Variants in PI4K2A observed in about 807,000 individuals in gnomAD.
The protein encoded by PI4K2A is phosphatidylinositol 4-kinase type 2-alpha.
Under a neutral mutation model 55.0 loss-of-function variants are expected in PI4K2A, and 20 were observed. The ratio of observed to expected loss-of-function variants is 0.36; its 90% CI spans 0.26 to 0.53. PI4K2A has a LOEUF of 0.53. Among genes scored for constraint, PI4K2A ranks in the 20% least tolerant of loss-of-function variants. The pLI, the probability that PI4K2A is intolerant of heterozygous loss-of-function variation, is 0.91. For missense variants in PI4K2A, 463 were observed against 637.1 expected (o/e 0.73, Z 2.94); for synonymous variants, 235 against 258.5 (o/e 0.91, Z 0.87).
intron 5 of PI4K2A, among the ~76,000 whole-genome samples, chr10:97,664,303 C>T (rs377441266): frequency 6.6e-6 from 1 of 152,210 alleles, no homozygotes; most frequent in Non-Finnish European, 1.5e-5. Flanking sequence ...CAGTGATTGT[C>T]TCTGACATGG....
intron 1 of PI4K2A, among the ~76,000 whole-genome samples, chr10:97,645,873 C>G (rs1003698211): frequency 6.6e-6 from 1 of 151,800 alleles, no homozygotes; most frequent in Non-Finnish European, 1.5e-5. Context: ...TCAACAAGCC[C>G]TTCCCTTCCT....
At chr10:97,645,297 T>C (rs1378395983) in intron 1 of PI4K2A, among the ~76,000 whole-genome samples, 1 of 152,042 alleles carries the variant, frequency 6.6e-6, no homozygotes, top group Non-Finnish European at 1.5e-5. Context: ...TTGGGGTACA[T>C]GGTATCGAAT....
chr10:97,669,760 A>G (rs2041626792), intron 8 of PI4K2A, among the ~76,000 whole-genome samples: 1 of 152,234 alleles, frequency 6.6e-6, no homozygotes, highest in Non-Finnish European at 1.5e-5. Flanking sequence ...GATGGGCTGT[A>G]GTACAAGGGC....
rs558370365 is a variant in PI4K2A at position 97,669,133 on chromosome 10, T to C, written c.1278+2013T>C. Among the ~76,000 whole-genome samples, 176 of 152,282 alleles carry C rather than the reference T, an allele frequency of 1.2e-3. 1 individual carries two copies. The Middle Eastern group carries it at 0.014, about 12-fold the overall frequency. ...TGCCTGCCTCGGCCTCCCAAAGTGCTGGGATTACAGGAGTGAGCCACTGAG... is the reference window on the plus strand; with the variant it reads ...TGCCTGCCTCGGCCTCCCAAAGTGCCGGGATTACAGGAGTGAGCCACTGAG... On this transcript the variant is annotated intron_variant, in intron 8 of 8. Coordinates refer to ENST00000370631, the Ensembl canonical transcript of PI4K2A.
intron 4 of PI4K2A, among the ~76,000 whole-genome samples, chr10:97,660,369 C>T (rs188705326): frequency 1.5e-3 from 220 of 148,972 alleles, no homozygotes; most frequent in Non-Finnish European, 2.3e-3. Context: ...GATCTTGGCT[C>T]ACTGCAACCT....
intron 1 of PI4K2A, among the ~76,000 whole-genome samples, chr10:97,642,863 C>T (rs1440848016): frequency 1.3e-5 from 1 of 76,976 alleles, no homozygotes; most frequent in African/African-American, 7.4e-5. Flanking sequence ...TTCTTTCTTT[C>T]TTTTTCTTTC....
At chr10:97,642,737 T>C (rs2041476960) in intron 1 of PI4K2A, among the ~76,000 whole-genome samples, 1 of 152,040 alleles carries the variant, frequency 6.6e-6, no homozygotes, top group Non-Finnish European at 1.5e-5. Context: ...GAACCATCAT[T>C]TCTAGAAGCA....
chr10:97,656,425 G>T lies in PI4K2A; in HGVS notation c.768+9G>T, dbSNP rs113448659. ...TCGGGCTACCACCAAAGGTATAGACGCACCTCTGGCTTATCAAGGGTCATG... is the reference window on the plus strand; with the variant it reads ...TCGGGCTACCACCAAAGGTATAGACTCACCTCTGGCTTATCAAGGGTCATG... On this transcript the variant is annotated intron_variant, in intron 3 of 8. Coordinates refer to ENST00000370631, the Ensembl canonical transcript of PI4K2A. This position sits in a 1 kb window ranked among gnomAD's most constrained non-coding sequence, Gnocchi z 4.5. 12 of 1,612,694 alleles carry T rather than the reference G, an allele frequency of 7.4e-6. No individual in the cohort carries two copies. Among genetic ancestry groups the T allele is most frequent in the Admixed American group, 1.7e-5 (1 of 60,000 alleles).
At chr10:97,645,011 G>T (rs1360159670) in intron 1 of PI4K2A, among the ~76,000 whole-genome samples, 1 of 152,030 alleles carries the variant, frequency 6.6e-6, no homozygotes, top group African/African-American at 2.4e-5. Context: ...AGAAGTCATG[G>T]GGAGAGTATA....
In PI4K2A at chr10:97,642,831, C is replaced by CT. The variant is rs1267183003; in HGVS notation, c.435+1656dup. On this transcript the variant is annotated intron_variant, in intron 1 of 8. Transcript: ENST00000370631. ...TCTTCCTTCCTTCCTTCCTTCCTTC[C>CT]TTCCTTCCTTCCTTCCTTCCTTTCT... 2.7e-3 allele frequency among the ~76,000 whole-genome samples: 93 copies of CT among 34,244 alleles called. 4 individuals carry two copies. The highest frequency in any genetic ancestry group is 4.7e-3 in the African/African-American group (87 of 18,562). The allele number at this position is 34,244 out of a possible 152,430, so 22.5% of individuals were successfully genotyped here.
chr10:97,642,914 TTCC>T (rs2041485075), intron 1 of PI4K2A, among the ~76,000 whole-genome samples: 3 of 138,864 alleles, frequency 2.2e-5, no homozygotes, highest in Non-Finnish European at 3.1e-5. Flanking sequence ...CCTTCCTTCC[TTCC>T]TTCCTTCCTT....
chr10:97,675,692 GCT>G (rs1295053996), exon 9 of PI4K2A: 5 of 152,642 alleles, frequency 3.3e-5, no homozygotes, highest in African/African-American at 1.2e-4. Flanking sequence ...ATCCAGACCA[GCT>G]CTGTGATCAG....
rs779504501 is a variant in PI4K2A, at chr10:97,656,800, G to T, written c.769-21G>T. On this transcript the variant is annotated intron_variant, in intron 3 of 8. Coordinates refer to ENST00000370631, the Ensembl canonical transcript of PI4K2A. This position sits in a 1 kb window ranked among gnomAD's most constrained non-coding sequence, Gnocchi z 4.5. The stretch of plus-strand genomic sequence containing the variant: ...ATTTGGGCAGTAGGGAAAAACCTTT[G>T]TTCCTTCCTCTTGGTTCCAGGTTGG... 3.7e-6 allele frequency: 6 copies of T among 1,613,240 alleles called. No individual in the cohort carries two copies. Among genetic ancestry groups the T allele is most frequent in the Admixed American group, 3.3e-5 (2 of 59,994 alleles).
chr10:97,651,178 C>T (rs1171662488), intron 2 of PI4K2A, 37 bp downstream of exon 2: 1 of 1,512,542 alleles, frequency 6.6e-7, no homozygotes, highest in Non-Finnish European at 9.2e-7. Flanking sequence ...TACTGCCTGG[C>T]CACAGTTTTC....
intron 2 of PI4K2A, among the ~76,000 whole-genome samples, chr10:97,653,452 C>A (rs1363412088): frequency 6.6e-6 from 1 of 152,226 alleles, no homozygotes; most frequent in Non-Finnish European, 1.5e-5. Flanking sequence ...GAGTGCCAGG[C>A]ACAACGTAAA....
At chr10:97,653,202 G>A (rs1052337003) in intron 2 of PI4K2A, among the ~76,000 whole-genome samples, 20 of 152,198 alleles carry the variant, frequency 1.3e-4, no homozygotes, top group Non-Finnish European at 7.3e-5. Context: ...ATAGCAGACC[G>A]TGTCTGGCTC....
chr10:97,652,189 T>C (rs947920886), intron 2 of PI4K2A, among the ~76,000 whole-genome samples: 4 of 152,194 alleles, frequency 2.6e-5, no homozygotes, highest in African/African-American at 9.7e-5. Flanking sequence ...TTTGCAATTA[T>C]TGTTTTGTGT....
Position 97,642,846 on chromosome 10 carries a change from CCTTCCTTTCTTTCTTTCTTTTT to C in PI4K2A, c.435+1673_435+1694del, listed in dbSNP as rs1458390957. Among the ~76,000 whole-genome samples the C allele has an allele frequency of 8.4e-5, 5 of 59,222 alleles. 1 individual carries two copies. The highest frequency in any genetic ancestry group is 2.0e-4 in the African/African-American group (3 of 14,926). The allele number at this position is 59,222 out of a possible 152,430, so 38.9% of individuals were successfully genotyped here. On this transcript the variant is annotated intron_variant, in intron 1 of 8. Coordinates refer to ENST00000370631, the Ensembl canonical transcript of PI4K2A. ...TCCTTCCTTCCTTCCTTCCTTCCTTCCTTCCTTTCTTTCTTTCTTTTTCTTTCTTTCTTTCTTTCTTCCTTCC... is the reference window on the plus strand; with the variant it reads ...TCCTTCCTTCCTTCCTTCCTTCCTTCCTTTCTTTCTTTCTTTCTTCCTTCC...
chr10:97,665,760 T>G (rs1039727845), intron 6 of PI4K2A, among the ~76,000 whole-genome samples: 8 of 151,804 alleles, frequency 5.3e-5, no homozygotes, highest in Admixed American at 4.6e-4. Context: ...GCCCAGCTAA[T>G]TTTTGTATTT....
Sources: gnomAD v4.1 joint callset for allele counts (sites outside exome capture counted in the v4.1 genomes callset) on GRCh38, gnomAD v4.1.1 for gene constraint, Gnocchi (gnomAD v3.1) non-coding constraint, MANE v1.5 for transcripts, NCBI Gene and HGNC (gene_info 2026-07-23, HGNC 2026-07-21) for gene names.